Variants in ADAMTS14 observed in about 807,000 individuals in gnomAD.
ADAMTS14 encodes the protein A disintegrin and metalloproteinase with thrombospondin motifs 14.
Under a neutral mutation model 128.6 loss-of-function variants are expected in ADAMTS14, and 100 were observed. The observed-to-expected ratio is 0.78, with a 90% CI of 0.66 to 0.92. The LOEUF (loss-of-function observed/expected upper bound fraction) is 0.92. ADAMTS14 is among the 40% of genes least tolerant of loss of function. The probability of loss-of-function intolerance (pLI) is 0.00; values close to 1 mark genes in which losing one functional copy is unlikely to be tolerated. For missense variants in ADAMTS14, 1,562 were observed against 1,658.6 expected (o/e 0.94, Z 1.01); for synonymous variants, 665 against 653.8 (o/e 1.02, Z -0.26).
At chr10:70,742,587 G>A (rs992061921) in intron 12 of ADAMTS14, among the ~76,000 whole-genome samples, 1 of 152,230 alleles carries the variant, frequency 6.6e-6, no homozygotes, top group Non-Finnish European at 1.5e-5. Context: ...GTAATTGGCT[G>A]AGGGAATCTT....
At chr10:70,704,660 C>T (rs1840600853) in intron 3 of ADAMTS14, among the ~76,000 whole-genome samples, 1 of 149,646 alleles carries the variant, frequency 6.7e-6, no homozygotes, top group Non-Finnish European at 1.5e-5. Flanking sequence ...CATGCTTACA[C>T]ACTGACACAA....
intron 2 of ADAMTS14, among the ~76,000 whole-genome samples, 164 bp downstream of exon 2, chr10:70,675,159 G>A (rs1423968430): frequency 1.3e-5 from 2 of 152,170 alleles, no homozygotes; most frequent in Non-Finnish European, 2.9e-5. Flanking sequence ...AGGTTCATGC[G>A]CTGCCAGGTG....
chr10:70,673,305 C>T (rs1839539465), intron 1 of ADAMTS14, among the ~76,000 whole-genome samples: 1 of 151,910 alleles, frequency 6.6e-6, no homozygotes, highest in African/African-American at 2.4e-5. Flanking sequence ...GTTACATACC[C>T]AGCATAAGGC....
rs765449709 is a variant in ADAMTS14 at position 70,753,914 on chromosome 10, G to A, written c.2844G>A (p.Pro948=). The A allele has an allele frequency of 1.4e-5, 22 of 1,591,218 alleles. No homozygotes were observed. Among genetic ancestry groups the A allele is most frequent in the South Asian group, 9.2e-5 (8 of 86,800 alleles). ...CCAATGGAACCCACAAGGTCATGCC[G>A]GCCAAAGCCTGCGCCGGGGACCGGC... The part of the protein sequence containing the change: ...PLSNGTHKVM[P]AKACAGDRPE... The change falls in exon 19 of 22, where the codon CCG becomes CCA. Residue 948 remains proline, a synonymous_variant. Coordinates refer to ENST00000373207, the MANE Select transcript of ADAMTS14 (RefSeq NM_080722.4).
At chr10:70,692,667 G>A (rs1840225382) in intron 2 of ADAMTS14, among the ~76,000 whole-genome samples, 1 of 152,220 alleles carries the variant, frequency 6.6e-6, no homozygotes, top group Non-Finnish European at 1.5e-5. Context: ...AGTTTAAAGA[G>A]AAAGAAATTG....
intron 4 of ADAMTS14, among the ~76,000 whole-genome samples, chr10:70,717,998 T>C (rs1244784883): frequency 6.6e-6 from 1 of 152,234 alleles, no homozygotes; most frequent in African/African-American, 2.4e-5. Context: ...GCTTGGTGCC[T>C]GTTTTAGACC....
chr10:70,694,954 C>A (rs2132575581), intron 2 of ADAMTS14, among the ~76,000 whole-genome samples: 1 of 152,290 alleles, frequency 6.6e-6, no homozygotes, highest in South Asian at 2.1e-4. Flanking sequence ...TATTGCCAGA[C>A]CGTTTTCAAA....
intron 19 of ADAMTS14, among the ~76,000 whole-genome samples, chr10:70,756,305 T>C (rs1293461169): frequency 1.3e-5 from 2 of 152,190 alleles, no homozygotes; most frequent in Non-Finnish European, 2.9e-5. Flanking sequence ...TGAATATTTG[T>C]AAAGAACCAA....
intron 15 of ADAMTS14, among the ~76,000 whole-genome samples, chr10:70,746,385 CAG>C (rs1221808773): frequency 6.6e-6 from 1 of 152,136 alleles, no homozygotes; most frequent in Non-Finnish European, 1.5e-5. Flanking sequence ...AATCCACAGA[CAG>C]AGAGAGAATA....
rs1453159072 is a variant in ADAMTS14, at chr10:70,672,573, G to A, written c.-230G>A. On this transcript the variant is annotated 5_prime_UTR_variant, in exon 1 of 22. Coordinates refer to ENST00000373207, the MANE Select transcript of ADAMTS14 (RefSeq NM_080722.4). ...GGTGCGCTGGCGCGTCAGTGGCCCC[G>A]CTCTCCAGCCGGCAGCCTCGCGCGC... Among the ~76,000 whole-genome samples the A allele has an allele frequency of 6.6e-6, 1 of 151,462 alleles. No homozygotes were observed.
At chr10:70,687,346 A>C (rs1156585631) in intron 2 of ADAMTS14, among the ~76,000 whole-genome samples, 9 of 59,864 alleles carry the variant, frequency 1.5e-4, no homozygotes, top group East Asian at 2.0e-3. Context: ...CGACCCCCCC[A>C]CCTCCCTCCC....
At chr10:70,720,068 G>A (rs1479971306) in intron 4 of ADAMTS14, among the ~76,000 whole-genome samples, 1 of 152,234 alleles carries the variant, frequency 6.6e-6, no homozygotes, top group Non-Finnish European at 1.5e-5. Context: ...GCACCCTGGT[G>A]CCACTCTGCA....
chr10:70,744,102 G>T lies in ADAMTS14; in HGVS notation c.2095G>T (p.Ala699Ser). The T allele has an allele frequency of 6.4e-7, 1 of 1,565,926 alleles. No individual in the cohort carries two copies. The highest frequency in any genetic ancestry group is 8.7e-7 in the Non-Finnish European group (1 of 1,155,284). Residue 699 changes from alanine to serine, a missense_variant, in exon 14 of 22, where the codon GCG (alanine) becomes TCG (serine). Physicochemically the swap from Ala to Ser is moderately conservative, Grantham distance 99 (BLOSUM62 1). Transcript: ENST00000373207. ...GCDKEVGSMKADDKCGVCGGD... is the reference protein window; with the variant it reads ...GCDKEVGSMKSDDKCGVCGGD... Reference sequence around the variant, plus strand: ...TGACAAGGAGGTGGGGTCCATGAAGGCGGATGACAAGTGTGGAGTCTGCGG... The same window carrying T: ...TGACAAGGAGGTGGGGTCCATGAAGTCGGATGACAAGTGTGGAGTCTGCGG...
intron 3 of ADAMTS14, among the ~76,000 whole-genome samples, chr10:70,705,786 G>A (rs1411480494): frequency 6.6e-6 from 1 of 152,196 alleles, no homozygotes; most frequent in Non-Finnish European, 1.5e-5. Flanking sequence ...TCTTTATGAT[G>A]GAGCACTAGT....
In ADAMTS14 at chr10:70,759,132, TTCTC is replaced by T. The variant is rs1202895565; in HGVS notation, c.3178+849_3178+852del. Among the ~76,000 whole-genome samples the T allele has an allele frequency of 8.1e-5, 10 of 123,066 alleles. No individual in the cohort carries two copies. In the East Asian group the frequency reaches 2.2e-3, roughly 28 times the overall value. The allele number at this position is 123,066 out of a possible 152,430, so 80.7% of individuals were successfully genotyped here. A position where few individuals can be genotyped will look rare whatever the true frequency, so the allele number is the denominator to read the frequency against. On this transcript the variant is annotated intron_variant, in intron 21 of 21. Coordinates refer to ENST00000373207, the MANE Select transcript of ADAMTS14 (RefSeq NM_080722.4). ...GGACCTTCTACCTCCAATCTTCTAC[TTCTC>T]TGCTCCTAGGCTGAGGTTCTGACTG...
chr10:70,735,447 G>T, intron 9 of ADAMTS14, 146 bp downstream of exon 9: 1 of 1,219,286 alleles, frequency 8.2e-7, no homozygotes, highest in African/African-American at 1.5e-5. Flanking sequence ...CAGCCACCAT[G>T]CAGGGATGCA....
rs907227261 is a variant in ADAMTS14, at chr10:70,733,772, G to T, written c.1209-113G>T. ...TTGGAAAACTGAGGCCAGGAAGAGC[G>T]ATCTGAGCTCCGGGTCAGGTCAGGG... On this transcript the variant is annotated intron_variant, in intron 7 of 21. Transcript: ENST00000373207. The T allele has an allele frequency of 6.7e-6, 9 of 1,351,792 alleles. No individual in the cohort carries two copies. The South Asian group carries it at 8.8e-5, about 13-fold the overall frequency. The allele number at this position is 1,351,792 out of a possible 1,614,324, so 83.7% of individuals were successfully genotyped here. A position where few individuals can be genotyped will look rare whatever the true frequency, so the allele number is the denominator to read the frequency against.
At chr10:70,673,901 C>G (rs1000117015) in intron 1 of ADAMTS14, among the ~76,000 whole-genome samples, 24 of 152,208 alleles carry the variant, frequency 1.6e-4, no homozygotes, top group Non-Finnish European at 2.9e-5. Context: ...GCAGGTCACC[C>G]CCTGTATATC....
rs538403841 is a variant in ADAMTS14, at chr10:70,762,175, T to A, written c.*1322T>A. On this transcript the variant is annotated 3_prime_UTR_variant, in exon 22 of 22. Coordinates refer to ENST00000373207, the MANE Select transcript of ADAMTS14 (RefSeq NM_080722.4). ...GCCAGGTGATAGAGGTGCTTCTCAC[T>A]TCTTCCTTCCCCAAGGCAAAGGGGC... 232 of 152,764 alleles carry A rather than the reference T, an allele frequency of 1.5e-3. No individual in the cohort carries two copies. The highest frequency in any genetic ancestry group is 5.2e-3 in the African/African-American group (218 of 41,572). 9.5% of individuals were successfully genotyped at this position (152,764 alleles called of 1,614,324 possible).
Sources: allele counts gnomAD v4.1 joint callset (sites outside exome capture counted in the v4.1 genomes callset), GRCh38; gene constraint gnomAD v4.1.1; transcripts MANE v1.5; gene names NCBI Gene and HGNC (gene_info 2026-07-23, HGNC 2026-07-21).